The following LDLRAD4 variants were observed in gnomAD, a reference collection of about 807,000 sequenced individuals.
LDLRAD4 encodes low density lipoprotein receptor class A domain containing 4.
LDLRAD4 carries 5 observed loss-of-function variants against 17.0 expected under a neutral mutation model. That is an observed-to-expected ratio of 0.29 (90% CI 0.15 to 0.62). LDLRAD4 has a LOEUF of 0.62. Ranked by LOEUF, LDLRAD4 falls within the 20% of genes least tolerant of loss-of-function variation. The probability of loss-of-function intolerance (pLI) is 0.84; values close to 1 mark genes in which losing one functional copy is unlikely to be tolerated. For missense variants in LDLRAD4, 340 were observed against 424.7 expected, an observed-to-expected ratio of 0.80 and a Z score of 1.75; for synonymous variants, 168 against 171.8, an observed-to-expected ratio of 0.98 and a Z score of 0.17.
chr18:13,338,329 G>C (rs2082209846), intron 1 of LDLRAD4, among the ~76,000 whole-genome samples: 1 of 152,178 alleles, frequency 6.6e-6, no homozygotes, highest in South Asian at 2.1e-4. Flanking sequence ...CTGGAGGTCA[G>C]GGATGAGTGG....
In LDLRAD4 at chr18:13,594,665, CAAAAAAAAA is replaced by C. The variant is rs56035558; in HGVS notation, c.182-26436_182-26428del. On this transcript the variant is annotated intron_variant, in intron 3 of 5. Coordinates refer to ENST00000359446, the Ensembl canonical transcript of LDLRAD4. Reference sequence around the variant, plus strand: ...TGGGTGACAGAGCAAGATTCCATCTCAAAAAAAAAAAAAAAAAAAAAAAAGAAACAGGAA... The same window carrying C: ...TGGGTGACAGAGCAAGATTCCATCTCAAAAAAAAAAAAAAAGAAACAGGAA... Among the ~76,000 whole-genome samples, 238 of 29,608 alleles carry C rather than the reference CAAAAAAAAA, an allele frequency of 8.0e-3. 1 individual carries two copies. Among genetic ancestry groups the C allele is most frequent in the African/African-American group, 0.02 (228 of 11,452 alleles). 19.4% of individuals were successfully genotyped at this position (29,608 alleles called of 152,430 possible). A position where few individuals can be genotyped will look rare whatever the true frequency, so the allele number is the denominator to read the frequency against.
At chr18:13,321,899 A>AAAG (rs2081261804) in intron 1 of LDLRAD4, among the ~76,000 whole-genome samples, 1 of 117,424 alleles carries the variant, frequency 8.5e-6, no homozygotes, top group African/African-American at 3.5e-5. Context: ...AAAAAAAAAA[A>AAAG]AAAGAAAAGA....
intron 2 of LDLRAD4, among the ~76,000 whole-genome samples, chr18:13,391,669 G>A (rs57893867): frequency 0.43 from 64,112 of 148,010 alleles, 14,755 homozygotes; most frequent in Non-Finnish European, 0.52. Context: ...CTCGGAAAGC[G>A]CAAGAGTCAA....
chr18:13,581,435 G>A (rs962221098), intron 3 of LDLRAD4, among the ~76,000 whole-genome samples: 2 of 152,090 alleles, frequency 1.3e-5, no homozygotes, highest in Non-Finnish European at 1.5e-5. Flanking sequence ...TCAAACAGCC[G>A]AGCTGCTGCA....
At chr18:13,304,589 A>C (rs1172227722) in intron 1 of LDLRAD4, among the ~76,000 whole-genome samples, 1 of 152,168 alleles carries the variant, frequency 6.6e-6, no homozygotes, top group African/African-American at 2.4e-5. Context: ...CCCCTGAGGA[A>C]TGAGGCCAGG....
chr18:13,640,199 G>A (rs563707925), intron 4 of LDLRAD4, among the ~76,000 whole-genome samples: 1,673 of 149,396 alleles, frequency 0.011, 28 homozygotes, highest in African/African-American at 0.039. Context: ...AGGCTGAGGC[G>A]GGAGAATGGC....
chr18:13,437,257 A>C (rs1247829046), intron 2 of LDLRAD4, among the ~76,000 whole-genome samples: 3 of 152,038 alleles, frequency 2.0e-5, no homozygotes, highest in Non-Finnish European at 4.4e-5. Context: ...GGAACCCGGG[A>C]CTCCTCCAGA....
At chr18:13,537,479 A>G (rs1336959827) in intron 3 of LDLRAD4, among the ~76,000 whole-genome samples, 2 of 152,184 alleles carry the variant, frequency 1.3e-5, no homozygotes, top group Non-Finnish European at 2.9e-5. Context: ...TCACCTGCAC[A>G]GTTCATAATG....
At chr18:13,319,696 G>T (rs1165935322) in intron 1 of LDLRAD4, among the ~76,000 whole-genome samples, 2 of 152,146 alleles carry the variant, frequency 1.3e-5, no homozygotes, top group Non-Finnish European at 2.9e-5. Context: ...CCAAAAGAGT[G>T]ATTAGGTCTA....
chr18:13,625,820 C>T (rs1232940523), intron 4 of LDLRAD4, among the ~76,000 whole-genome samples: 1 of 121,294 alleles, frequency 8.2e-6, no homozygotes, highest in Non-Finnish European at 1.8e-5. Flanking sequence ...CTCCTCCCCC[C>T]GCCAGAGCCC....
intron 3 of LDLRAD4, chr18:13,543,159 C>A (rs2094310668): frequency 6.6e-6 from 1 of 152,176 alleles, no homozygotes; most frequent in South Asian, 2.1e-4. Flanking sequence ...TCTAAATCCA[C>A]CCCTGAAAGC....
intron 1 of LDLRAD4, among the ~76,000 whole-genome samples, chr18:13,283,350 C>G (rs1184058786): frequency 1.3e-5 from 2 of 152,214 alleles, no homozygotes; most frequent in East Asian, 3.8e-4. Flanking sequence ...CCTTATACAA[C>G]TGAATGCCTT....
In LDLRAD4 at chr18:13,645,926, C is replaced by T. The variant is rs376644661; in HGVS notation, c.*269C>T. The T allele has an allele frequency of 3.9e-5, 13 of 335,212 alleles. No homozygotes were observed. Among genetic ancestry groups the T allele is most frequent in the Non-Finnish European group, 5.9e-5 (11 of 187,158 alleles). The allele number at this position is 335,212 out of a possible 1,614,324, so 20.8% of individuals were successfully genotyped here. ...GGTGTGGGCAGGGGAAAACAGAGAA[C>T]GGGATGCTTTGAAGATACCATGAAA... is the stretch of plus-strand genomic sequence containing the variant. On this transcript the variant is annotated 3_prime_UTR_variant, in exon 6 of 6. Coordinates refer to ENST00000359446, the Ensembl canonical transcript of LDLRAD4. The surrounding 1 kb of genome is among the most constrained non-coding windows in gnomAD (Gnocchi z 5.7).
chr18:13,564,219 G>A (rs1396317876), intron 3 of LDLRAD4, among the ~76,000 whole-genome samples: 4 of 152,210 alleles, frequency 2.6e-5, no homozygotes, highest in South Asian at 4.1e-4. Flanking sequence ...TCTCCCTTTT[G>A]ATGCTTTTTG....
At chr18:13,226,714 A>AAAATG (rs963151620) in intron 1 of LDLRAD4, among the ~76,000 whole-genome samples, 3 of 109,366 alleles carry the variant, frequency 2.7e-5, no homozygotes, top group African/African-American at 4.1e-5. Context: ...AAATTTGAAT[A>AAAATG]AAATAAAATA....
At chr18:13,536,923 T>C (rs1336308736) in intron 3 of LDLRAD4, among the ~76,000 whole-genome samples, 1 of 152,240 alleles carries the variant, frequency 6.6e-6, no homozygotes, top group Non-Finnish European at 1.5e-5. Flanking sequence ...ATAAATTGTA[T>C]TGATTAAGTT....
In LDLRAD4 at chr18:13,440,666, CCCTGTGGAA is replaced by C. The variant is rs2090965372; in HGVS notation, c.181+2284_181+2292del. On this transcript the variant is annotated intron_variant, in intron 3 of 5. Transcript: ENST00000359446. The surrounding 1 kb of genome is among the most constrained non-coding windows in gnomAD (Gnocchi z 4.4). ...CAGCTCCTTTCAGCTTGGTTTCTCT[CCCTGTGGAA>C]CAGGCACACTTCCTGCCGTGTAAGC... Among the ~76,000 whole-genome samples, 1 of 152,140 alleles carries C rather than the reference CCCTGTGGAA, an allele frequency of 6.6e-6. No homozygotes were observed. The highest frequency in any genetic ancestry group is 1.5e-5 in the Non-Finnish European group (1 of 68,026).
chr18:13,599,311 A>G (rs1230869669), intron 3 of LDLRAD4, among the ~76,000 whole-genome samples: 3 of 152,112 alleles, frequency 2.0e-5, no homozygotes, highest in Non-Finnish European at 4.4e-5. Flanking sequence ...CAATGGAAGT[A>G]AGAGATTTTA....
intron 3 of LDLRAD4, among the ~76,000 whole-genome samples, chr18:13,468,108 A>G (rs938686635): frequency 7.9e-5 from 12 of 151,194 alleles, no homozygotes; most frequent in African/African-American, 3.0e-4. Context: ...CACCCAAAGT[A>G]TGAACAACAA....
Sources: gnomAD v4.1 joint callset for allele counts (sites outside exome capture counted in the v4.1 genomes callset) on GRCh38, gnomAD v4.1.1 for gene constraint, Gnocchi (gnomAD v3.1) non-coding constraint, MANE v1.5 for transcripts, NCBI Gene and HGNC (gene_info 2026-07-23, HGNC 2026-07-21) for gene names.